Variants in USP37 observed in about 807,000 individuals in gnomAD.
USP37 encodes ubiquitin specific peptidase 37, also known as ubiquitin carboxyl-terminal hydrolase 37.
USP37 carries 27 observed loss-of-function variants against 124.0 expected under a neutral mutation model. The observed-to-expected ratio is 0.22, with a 90% confidence interval of 0.16 to 0.30. The LOEUF (loss-of-function observed/expected upper bound fraction) is 0.30. Ranked by LOEUF, USP37 falls within the 10% of genes least tolerant of loss-of-function variation. The pLI, the probability that USP37 is intolerant of heterozygous loss-of-function variation, is 1.00. For synonymous variants in USP37, 365 were observed against 388.0 expected (o/e 0.94, Z 0.70); for missense variants, 889 against 1,140.4 (o/e 0.78, Z 3.17).
intron 10 of USP37, 141 bp downstream of exon 10, chr2:218,529,815 G>T: frequency 1.6e-6 from 1 of 616,134 alleles, no homozygotes; most frequent in Non-Finnish European, 2.8e-6. Context: ...TAACTAACAT[G>T]TCAGGATTCT....
intron 5 of USP37, among the ~76,000 whole-genome samples, chr2:218,550,751 T>G (rs1026589612): frequency 6.6e-6 from 1 of 152,106 alleles, no homozygotes; most frequent in Non-Finnish European, 1.5e-5. Context: ...GAGAATTTTT[T>G]CATGTGTAAG....
chr2:218,487,674 C>T (rs1022654959), intron 15 of USP37, among the ~76,000 whole-genome samples: 1 of 152,088 alleles, frequency 6.6e-6, no homozygotes, highest in Admixed American at 6.6e-5. Context: ...CTGCCTTGGC[C>T]TCCCAAAGTG....
chr2:218,479,701 T>G lies in USP37; in HGVS notation c.1850A>C (p.Lys617Thr), dbSNP rs1691145401. The G allele has an allele frequency of 6.2e-7, 1 of 1,611,542 alleles. No individual in the cohort carries two copies. Among genetic ancestry groups the G allele is most frequent in the Admixed American group, 1.7e-5 (1 of 59,842 alleles). ...GCAGGAATTCACCATTTGAGAGGCTTTCAATGGTCTAGAACTATCAGAAAA... is the reference window on the plus strand; with the variant it reads ...GCAGGAATTCACCATTTGAGAGGCTGTCAATGGTCTAGAACTATCAGAAAA... ...SAHMAISRPL[K>T]ASQMVNSCIT... The change falls in exon 18 of 26, where the codon AAA (lysine) becomes ACA (threonine). Residue 617 changes from lysine (K) to threonine (T), a missense_variant. Physicochemically the swap from Lys to Thr is moderately conservative, Grantham distance 78 (BLOSUM62 -1). Around this residue, in one of 3 missense-constraint regions of USP37, gnomAD observed 504 missense variants for 714.3 expected, o/e 0.71. Transcript: ENST00000258399.
In USP37 at chr2:218,495,090, T is replaced by C. The variant is rs182504136; in HGVS notation, c.1472+670A>G. The stretch of plus-strand genomic sequence containing the variant: ...AATTAAGTGTTAGGCAATACTAAAG[T>C]GTATAATAAAGTATTTAAATTTTCC... On this transcript the variant is annotated intron_variant, in intron 14 of 25. Transcript: ENST00000258399. Among the ~76,000 whole-genome samples, 6 of 152,138 alleles carry C rather than the reference T, an allele frequency of 3.9e-5. No individual in the cohort carries two copies. In the East Asian group the frequency reaches 9.7e-4, roughly 24 times the overall value.
At chr2:218,529,287 C>G (rs1248229675) in intron 10 of USP37, among the ~76,000 whole-genome samples, 1 of 152,170 alleles carries the variant, frequency 6.6e-6, no homozygotes, top group Non-Finnish European at 1.5e-5. Flanking sequence ...AGGCAGATCA[C>G]TTGAGGTCAG....
intron 4 of USP37, among the ~76,000 whole-genome samples, chr2:218,556,224 C>A (rs1171083536): frequency 6.6e-6 from 1 of 152,130 alleles, no homozygotes; most frequent in Non-Finnish European, 1.5e-5. Flanking sequence ...AAATAACTTT[C>A]TAGTTCCCTG....
rs74400792 is a variant in USP37 at position 218,556,511 on chromosome 2, T to G, written c.156+1987A>C. On this transcript the variant is annotated intron_variant, in intron 4 of 25. Coordinates refer to ENST00000258399, the MANE Select transcript of USP37 (RefSeq NM_020935.3). ...TTACTCTGGGTTTTTCTGTTTTTTT[T>G]TTTTTTTTTTTTTTTTTTTGAGATG... 5.9e-3 allele frequency among the ~76,000 whole-genome samples: 721 copies of G among 122,830 alleles called. 11 individuals are homozygous for G. Among genetic ancestry groups the G allele is most frequent in the African/African-American group, 0.025 (667 of 26,600 alleles). The allele number at this position is 122,830 out of a possible 152,430, so 80.6% of individuals were successfully genotyped here. A position where few individuals can be genotyped will look rare whatever the true frequency, so the allele number is the denominator to read the frequency against.
intron 10 of USP37, among the ~76,000 whole-genome samples, chr2:218,516,068 T>TA (rs1458157648): frequency 1.3e-5 from 2 of 152,128 alleles, no homozygotes; most frequent in Non-Finnish European, 2.9e-5. Flanking sequence ...GAGAAACAGG[T>TA]ATGCTTTTAC....
chr2:218,564,719 C>T (rs963167902), intron 1 of USP37, among the ~76,000 whole-genome samples: 9 of 152,098 alleles, frequency 5.9e-5, no homozygotes, highest in Admixed American at 2.0e-4. Context: ...ACTGTATACT[C>T]CAACAAAATA....
Position 218,558,464 on chromosome 2 carries a change from T to A in USP37, c.156+34A>T, listed in dbSNP as rs3901121. On this transcript the variant is annotated intron_variant, in intron 4 of 25. Coordinates refer to ENST00000258399, the MANE Select transcript of USP37 (RefSeq NM_020935.3). ...ATAGCTATTTACTAAATGATCTGCTTCAAGAGCTATTCCAAATCAATATTT... is the reference window on the plus strand; with the variant it reads ...ATAGCTATTTACTAAATGATCTGCTACAAGAGCTATTCCAAATCAATATTT... 4.6e-3 allele frequency: 7,289 copies of A among 1,592,972 alleles called. 207 individuals are homozygous for A. In the African/African-American group the frequency reaches 0.073, roughly 16 times the overall value.
At chr2:218,537,311 T>TAA (rs1691708945) in intron 8 of USP37, among the ~76,000 whole-genome samples, 1 of 152,234 alleles carries the variant, frequency 6.6e-6, no homozygotes, top group Non-Finnish European at 1.5e-5. Flanking sequence ...AAAGGTGCCC[T>TAA]GCAGGTTTCC....
chr2:218,456,079 C>T lies in USP37; in HGVS notation c.2714-361G>A, dbSNP rs1292786415. 2.6e-5 allele frequency among the ~76,000 whole-genome samples: 4 copies of T among 151,610 alleles called. No individual in the cohort carries two copies. The East Asian group carries it at 7.8e-4, about 30-fold the overall frequency. ...AAACAAAAACGCATTAATTTTATCT[C>T]AGGTGCAGGAAGTTTGAGAAAGAAA... is the stretch of plus-strand genomic sequence containing the variant. On this transcript the variant is annotated intron_variant, in intron 24 of 25. Coordinates refer to ENST00000258399, the MANE Select transcript of USP37 (RefSeq NM_020935.3).
chr2:218,485,693 A>G lies in USP37; in HGVS notation c.1641T>C (p.Leu547=). The change falls in exon 16 of 26, where the codon CTT becomes CTC. Residue 547 remains leucine (L), a synonymous_variant. Coordinates refer to ENST00000258399, the MANE Select transcript of USP37 (RefSeq NM_020935.3). ...GAAGCCTGTTAAATTTGTGCCTGAC[A>G]AGAGCACACTTCCCACCACACTTCT... The part of the protein sequence containing the change: ...SCEKCGGKCA[L]VRHKFNRLPR... 6.2e-7 allele frequency: 1 copy of G among 1,607,410 alleles called. No homozygotes were observed. The highest frequency in any genetic ancestry group is 8.5e-7 in the Non-Finnish European group (1 of 1,178,336).
intron 17 of USP37, 77 bp downstream of exon 17, chr2:218,481,993 A>T: frequency 6.9e-7 from 1 of 1,451,080 alleles, no homozygotes; most frequent in Non-Finnish European, 9.3e-7. Flanking sequence ...TATGTAATTC[A>T]GTCATTCTTT....
At chr2:218,538,082 C>T (rs1266486231) in intron 8 of USP37, among the ~76,000 whole-genome samples, 1 of 152,132 alleles carries the variant, frequency 6.6e-6, no homozygotes, top group Non-Finnish European at 1.5e-5. Flanking sequence ...CAAGAACAAG[C>T]GTTAGGGGCA....
intron 20 of USP37, among the ~76,000 whole-genome samples, chr2:218,471,221 C>T (rs10200507): frequency 6.6e-6 from 1 of 151,906 alleles, no homozygotes; most frequent in Non-Finnish European, 1.5e-5. Context: ...GCTACTGCGA[C>T]AGAAGAAAAG....
chr2:218,525,149 T>C (rs918449964), intron 10 of USP37, among the ~76,000 whole-genome samples: 3 of 152,252 alleles, frequency 2.0e-5, no homozygotes, highest in African/African-American at 4.8e-5. Flanking sequence ...AGTTTTCTTT[T>C]TGATGAATTA....
At chr2:218,500,240 A>T (rs1201901282) in intron 11 of USP37, among the ~76,000 whole-genome samples, 3 of 151,002 alleles carry the variant, frequency 2.0e-5, no homozygotes, top group Non-Finnish European at 4.4e-5. Context: ...ACACGCAGCT[A>T]ATGTTTGTAT....
At chr2:218,479,742 T>C (rs938407827) in intron 17 of USP37, 27 bp from the exon 18 acceptor site, 8 of 1,324,014 alleles carry the variant, frequency 6.0e-6, no homozygotes, top group Admixed American at 2.5e-5. Context: ...AAATATATAA[T>C]GTATACAAAT....
Sources: gnomAD v4.1 joint callset for allele counts (sites outside exome capture counted in the v4.1 genomes callset) on GRCh38, gnomAD v4.1.1 for gene constraint, gnomAD v4.1.1 regional missense constraint, MANE v1.5 for transcripts, NCBI Gene and HGNC (gene_info 2026-07-23, HGNC 2026-07-21) for gene names.